OSBPL2: variants seen among roughly 807,000 people sequenced by gnomAD.
The protein encoded by OSBPL2 is oxysterol binding protein like 2.
OSBPL2 carries 18 observed loss-of-function variants against 58.4 expected under a neutral mutation model. That is an observed-to-expected ratio of 0.31 (90% CI 0.21 to 0.46). The LOEUF (loss-of-function observed/expected upper bound fraction) is 0.46, where lower values mean the gene tolerates loss of function less well. OSBPL2 is among the 20% of genes least tolerant of loss of function. The pLI, the probability that OSBPL2 is intolerant of heterozygous loss-of-function variation, is 1.00. For missense variants in OSBPL2, 461 were observed against 616.5 expected, an observed-to-expected ratio of 0.75 and a Z score of 2.67; for synonymous variants, 221 against 234.1, an observed-to-expected ratio of 0.94 and a Z score of 0.51.
chr20:62,263,623 C>G lies in OSBPL2; in HGVS notation c.190C>G (p.Leu64Val). ...ENGIQKHRTS[L>V]PAPMFSRSDF... Reference sequence around the variant, plus strand: ...CCCTTTTGTGCTTCGCAGGACATCGCTGCCGGCTCCCATGTTCAGCAGAAG... The same window carrying G: ...CCCTTTTGTGCTTCGCAGGACATCGGTGCCGGCTCCCATGTTCAGCAGAAG... Residue 64 changes from leucine (L) to valine (V), a missense_variant, in exon 4 of 14, where the codon CTG (leucine) becomes GTG (valine). Around this residue, in one of 5 missense-constraint regions of OSBPL2, gnomAD observed 80 missense variants for 74.8 expected, o/e 1.07. Coordinates refer to ENST00000313733, the MANE Select transcript of OSBPL2 (RefSeq NM_144498.4). The G allele has an allele frequency of 6.2e-7, 1 of 1,614,136 alleles. No homozygotes were observed.
intron 9 of OSBPL2, among the ~76,000 whole-genome samples, chr20:62,282,620 A>T (rs570030752): frequency 3.3e-5 from 5 of 152,322 alleles, no homozygotes; most frequent in African/African-American, 1.2e-4. Context: ...TGAGGTCAGG[A>T]GTTCGAGACC....
chr20:62,261,962 T>C (rs1981341171), intron 3 of OSBPL2, among the ~76,000 whole-genome samples: 1 of 152,156 alleles, frequency 6.6e-6, no homozygotes, highest in South Asian at 2.1e-4. Flanking sequence ...TTCCGCCGTG[T>C]TGGCCAGGCT....
chr20:62,239,749 T>A (rs1979596405), intron 1 of OSBPL2, among the ~76,000 whole-genome samples: 1 of 152,250 alleles, frequency 6.6e-6, no homozygotes, highest in Non-Finnish European at 1.5e-5. Context: ...CCGTCCCTGC[T>A]GCCCTTCCTA....
chr20:62,251,396 T>C (rs1392000937), intron 1 of OSBPL2, among the ~76,000 whole-genome samples: 2 of 148,072 alleles, frequency 1.4e-5, no homozygotes, highest in African/African-American at 5.0e-5. Flanking sequence ...AAGATATTCA[T>C]ACTATCGTGA....
At chr20:62,276,361 T>A (rs1203587419) in intron 6 of OSBPL2, among the ~76,000 whole-genome samples, 1 of 152,228 alleles carries the variant, frequency 6.6e-6, no homozygotes, top group Non-Finnish European at 1.5e-5. Flanking sequence ...GTCAGACCAT[T>A]TTGGGAGGAT....
Position 62,281,823 on chromosome 20 carries a change from G to T in OSBPL2, c.816G>T (p.Pro272=), listed in dbSNP as rs376209465. The change falls in exon 9 of 14, where the codon CCG becomes CCT. Residue 272 remains proline (P), a synonymous_variant. Transcript: ENST00000313733. ...TGHKCVLHFK[P]CGLFGKELHK... The stretch of plus-strand genomic sequence containing the variant: ...ATAAGTGTGTGCTTCACTTTAAACC[G>T]TGTGGATTATTTGGAAAAGAACTTC... 1 of 1,612,288 alleles carries T rather than the reference G, an allele frequency of 6.2e-7. No homozygotes were observed. The highest frequency in any genetic ancestry group is 8.5e-7 in the Non-Finnish European group (1 of 1,178,434).
At chr20:62,268,639 G>A (rs6062178) in intron 4 of OSBPL2, among the ~76,000 whole-genome samples, 136,079 of 152,172 alleles carry the variant, frequency 0.89, 61,194 homozygotes, top group East Asian at 0.99. Context: ...TTGCTGTGTC[G>A]CCCAGTCTGG....
chr20:62,249,738 C>T lies in OSBPL2; in HGVS notation c.-128-6319C>T, dbSNP rs563596896. 2.0e-5 allele frequency among the ~76,000 whole-genome samples: 3 copies of T among 152,278 alleles called. No individual in the cohort carries two copies. The South Asian group carries it at 6.2e-4, about 32-fold the overall frequency. On this transcript the variant is annotated intron_variant, in intron 1 of 13. Coordinates refer to ENST00000313733, the MANE Select transcript of OSBPL2 (RefSeq NM_144498.4). ...TACAGGCATGGGCCACCACGCCTGG[C>T]TAATTTTGTATTTTTAGTAGAGAAG...
rs2145962644 is a variant in OSBPL2, at chr20:62,279,256, T to C, written c.591T>C (p.His197=). ...SEGLNHDFLF[H]GSIYPKLKFW... ...GTCTCAACCATGACTTCCTGTTCCA[T>C]GGCTCCATCTACCCCAAGCTCAAGT... The change falls in exon 7 of 14, where the codon CAT becomes CAC. Residue 197 remains histidine, a synonymous_variant. Transcript: ENST00000313733. 5 of 1,614,222 alleles carry C rather than the reference T, an allele frequency of 3.1e-6. No homozygotes were observed. Among genetic ancestry groups the C allele is most frequent in the Non-Finnish European group, 4.2e-6 (5 of 1,180,036 alleles).
intron 8 of OSBPL2, 113 bp downstream of exon 8, chr20:62,281,278 C>T: frequency 1.4e-6 from 1 of 712,704 alleles, no homozygotes; most frequent in South Asian, 1.7e-5. Context: ...TCACGAGCTG[C>T]TGCCGTGTCC....
At chr20:62,292,716 CCAA>C (rs1349449743) in intron 13 of OSBPL2, among the ~76,000 whole-genome samples, 8 of 152,030 alleles carry the variant, frequency 5.3e-5, no homozygotes, top group Non-Finnish European at 8.8e-5. Context: ...TTCTCAAGGC[CCAA>C]CAACAATGAT....
At chr20:62,255,828 C>T (rs1487443959) in intron 1 of OSBPL2, among the ~76,000 whole-genome samples, 1 of 152,202 alleles carries the variant, frequency 6.6e-6, no homozygotes. Context: ...AGAAACAACT[C>T]TTGTTATAGG....
At chr20:62,243,374 G>T (rs1568821248) in intron 1 of OSBPL2, among the ~76,000 whole-genome samples, 2 of 152,230 alleles carry the variant, frequency 1.3e-5, no homozygotes, top group African/African-American at 4.8e-5. Context: ...CAGTGCCTGA[G>T]CTGGGGCCAG....
At chr20:62,291,436 G>A (rs896792922) in intron 12 of OSBPL2, 44 of 458,820 alleles carry the variant, frequency 9.6e-5, no homozygotes, top group Admixed American at 9.9e-5. Flanking sequence ...TCCTGCACCC[G>A]CAGACTTTGA....
chr20:62,289,625 C>T (rs1214618975), intron 12 of OSBPL2, among the ~76,000 whole-genome samples: 1 of 152,154 alleles, frequency 6.6e-6, no homozygotes, highest in African/African-American at 2.4e-5. Context: ...AATCCTAGGC[C>T]GAGCGCGGTG....
intron 1 of OSBPL2, among the ~76,000 whole-genome samples, chr20:62,251,636 G>C (rs573937797): frequency 1.3e-5 from 2 of 151,356 alleles, no homozygotes; most frequent in Admixed American, 1.3e-4. Context: ...TTGAACTCCT[G>C]ACCTCAGGTG....
In OSBPL2 at chr20:62,295,253, T is replaced by C. The variant is rs1983795874; in HGVS notation, c.*1366T>C. The C allele has an allele frequency of 6.6e-6, 1 of 151,748 alleles. No individual in the cohort carries two copies. The highest frequency in any genetic ancestry group is 1.5e-5 in the Non-Finnish European group (1 of 67,734). The allele number at this position is 151,748 out of a possible 1,614,324, so 9.4% of individuals were successfully genotyped here. On this transcript the variant is annotated 3_prime_UTR_variant, in exon 14 of 14. Transcript: ENST00000313733. The surrounding 1 kb of genome is among the most constrained non-coding windows in gnomAD (Gnocchi z 4.8). ...AGGCGTGAGCCACTGCGCCTGGCCG[T>C]GACTGATTTTTTTTCATGTAGAATT...
chr20:62,252,868 G>T (rs1423846207), intron 1 of OSBPL2, among the ~76,000 whole-genome samples: 1 of 152,216 alleles, frequency 6.6e-6, no homozygotes, highest in Non-Finnish European at 1.5e-5. Context: ...GATCTCATGG[G>T]CACTCATCCT....
At chr20:62,249,785 G>C (rs1379292943) in intron 1 of OSBPL2, among the ~76,000 whole-genome samples, 1 of 152,110 alleles carries the variant, frequency 6.6e-6, no homozygotes, top group African/African-American at 2.4e-5. Flanking sequence ...ATGTTGGTCA[G>C]GCTGGTCTGA....
Sources: gnomAD v4.1 joint callset for allele counts (sites outside exome capture counted in the v4.1 genomes callset) on GRCh38, gnomAD v4.1.1 for gene constraint, gnomAD v4.1.1 regional missense constraint, Gnocchi (gnomAD v3.1) non-coding constraint, MANE v1.5 for transcripts, NCBI Gene and HGNC (gene_info 2026-07-23, HGNC 2026-07-21) for gene names.